The following ZFHX3 variants were observed in gnomAD, a reference collection of about 807,000 sequenced individuals.
ZFHX3 encodes the protein zinc finger homeobox 3.
In ZFHX3, 42 loss-of-function variants were observed where a neutral mutation model predicts 279.1. The ratio of observed to expected loss-of-function variants is 0.15; its 90% confidence interval spans 0.12 to 0.19. The LOEUF (loss-of-function observed/expected upper bound fraction) is 0.19. Ranked by LOEUF, ZFHX3 falls within the 10% of genes least tolerant of loss-of-function variation. The pLI, the probability that ZFHX3 is intolerant of heterozygous loss-of-function variation, is 1.00. For synonymous variants in ZFHX3, 2,293 were observed against 1,957.8 expected, an observed-to-expected ratio of 1.17 and a Z score of -4.52; for missense variants, 4,981 against 4,754.0, an observed-to-expected ratio of 1.05 and a Z score of -1.40.
intron 5 of ZFHX3, among the ~76,000 whole-genome samples, chr16:72,815,782 A>G (rs148030066): frequency 3.9e-5 from 6 of 152,372 alleles, no homozygotes; most frequent in African/African-American, 1.4e-4. Context: ...GACAAGACAT[A>G]GTTTAGACAA....
chr16:73,168,199 T>C (rs1967420017), intron 5 of ZFHX3, among the ~76,000 whole-genome samples: 3 of 141,694 alleles, frequency 2.1e-5, no homozygotes, highest in African/African-American at 7.9e-5. Context: ...TTTAACACTA[T>C]AGTTTCTTTT....
At chr16:73,681,759 G>C (rs1313638074) in intron 1 of ZFHX3, among the ~76,000 whole-genome samples, 2 of 152,136 alleles carry the variant, frequency 1.3e-5, no homozygotes, top group Non-Finnish European at 2.9e-5. Flanking sequence ...ACAGTATTTT[G>C]TAAGCATATG....
intron 1 of ZFHX3, among the ~76,000 whole-genome samples, chr16:73,776,604 A>G (rs1440184297): frequency 6.6e-6 from 1 of 152,210 alleles, no homozygotes; most frequent in Non-Finnish European, 1.5e-5. Context: ...AGGGGAAATC[A>G]TAATATTGCT....
intron 3 of ZFHX3, among the ~76,000 whole-genome samples, chr16:73,365,323 A>C (rs1355095409): frequency 2.0e-5 from 3 of 152,218 alleles, no homozygotes; most frequent in East Asian, 3.9e-4. Flanking sequence ...GCTGGTGCCC[A>C]CACCTCTGAG....
rs534765434 is a variant in ZFHX3, at chr16:73,599,099, T to C, written c.-1547+81081A>G. Reference sequence around the variant, plus strand: ...TTAAAGAGAGGGTTTCTTCATACTATCATAGTTCTTACAGAGGATGAGTTT... The same window carrying C: ...TTAAAGAGAGGGTTTCTTCATACTACCATAGTTCTTACAGAGGATGAGTTT... On this transcript the variant is annotated intron_variant, in intron 2 of 17. Transcript: ENST00000641206. 3.9e-5 allele frequency among the ~76,000 whole-genome samples: 6 copies of C among 152,318 alleles called. No homozygotes were observed. The East Asian group carries it at 1.2e-3, about 29-fold the overall frequency.
At chr16:73,871,306 C>T (rs1322636166) in intron 1 of ZFHX3, among the ~76,000 whole-genome samples, 1 of 152,148 alleles carries the variant, frequency 6.6e-6, no homozygotes, top group Admixed American at 6.5e-5. Flanking sequence ...AAACGACTTG[C>T]GTCAGCCACT....
chr16:73,054,536 G>A (rs1364238619), intron 1 of ZFHX3, among the ~76,000 whole-genome samples: 1 of 144,814 alleles, frequency 6.9e-6, no homozygotes, highest in South Asian at 2.2e-4. Flanking sequence ...TCAAGAGTTT[G>A]AATTCTAGCT....
At chr16:73,515,354 T>C (rs775952969) in intron 2 of ZFHX3, among the ~76,000 whole-genome samples, 10 of 152,048 alleles carry the variant, frequency 6.6e-5, no homozygotes, top group Non-Finnish European at 1.5e-4. Flanking sequence ...TGTAAAGGGA[T>C]CCCTTAGTCA....
At chr16:73,856,137 C>T (rs1189753572) in intron 1 of ZFHX3, among the ~76,000 whole-genome samples, 1 of 152,076 alleles carries the variant, frequency 6.6e-6, no homozygotes, top group Non-Finnish European at 1.5e-5. Flanking sequence ...ATTTTATAAC[C>T]TATACAAAAG....
intron 5 of ZFHX3, among the ~76,000 whole-genome samples, chr16:73,221,478 TA>T (rs761443081): frequency 6.6e-6 from 1 of 152,128 alleles, no homozygotes; most frequent in South Asian, 2.1e-4. Context: ...TGTAACCTCT[TA>T]AAAAATCACA....
At chr16:73,290,128 T>C (rs931521280) in intron 4 of ZFHX3, among the ~76,000 whole-genome samples, 2 of 151,946 alleles carry the variant, frequency 1.3e-5, no homozygotes, top group Non-Finnish European at 2.9e-5. Flanking sequence ...ATTCATTGAG[T>C]GCTCGCCATA....
At chr16:73,240,845 CT>C (rs1331571740) in intron 5 of ZFHX3, among the ~76,000 whole-genome samples, 3 of 152,154 alleles carry the variant, frequency 2.0e-5, no homozygotes, top group Non-Finnish European at 4.4e-5. Flanking sequence ...TAGAGTTTTG[CT>C]TATTTCCAAA....
At chr16:72,880,411 C>G (rs964741692) in intron 4 of ZFHX3, among the ~76,000 whole-genome samples, 10 of 152,028 alleles carry the variant, frequency 6.6e-5, no homozygotes, top group African/African-American at 2.2e-4. Context: ...AGACCCTAAT[C>G]CAATCTATCT....
chr16:73,515,371 T>C (rs2019501558), intron 2 of ZFHX3, among the ~76,000 whole-genome samples: 1 of 151,828 alleles, frequency 6.6e-6, no homozygotes, highest in Admixed American at 6.6e-5. Context: ...GTCACAAAGA[T>C]GGTGCCAATG....
chr16:73,045,913 G>C (rs1401093067), intron 1 of ZFHX3, among the ~76,000 whole-genome samples: 1 of 151,576 alleles, frequency 6.6e-6, no homozygotes, highest in Admixed American at 6.6e-5. Flanking sequence ...AAGTCTAAAA[G>C]TGCTCGCTTC....
chr16:73,564,898 A>T (rs2020428171), intron 2 of ZFHX3, among the ~76,000 whole-genome samples: 1 of 152,220 alleles, frequency 6.6e-6, no homozygotes, highest in Admixed American at 6.5e-5. Flanking sequence ...TTAGGAAAAA[A>T]GCAAACTGGA....
intron 3 of ZFHX3, among the ~76,000 whole-genome samples, chr16:73,347,248 C>T (rs1200148779): frequency 6.6e-6 from 1 of 152,248 alleles, no homozygotes; most frequent in Non-Finnish European, 1.5e-5. Context: ...CAATCACAAC[C>T]ATTCCTTTTA....
chr16:73,404,145 A>G (rs1462619437), intron 3 of ZFHX3, among the ~76,000 whole-genome samples: 3 of 152,144 alleles, frequency 2.0e-5, no homozygotes, highest in Non-Finnish European at 4.4e-5. Flanking sequence ...ATCCAGTTTC[A>G]GGGGCTGGGG....
At chr16:72,969,420 G>A (rs935097275) in intron 1 of ZFHX3, among the ~76,000 whole-genome samples, 1 of 151,950 alleles carries the variant, frequency 6.6e-6, no homozygotes, top group Non-Finnish European at 1.5e-5. Context: ...TCCTGACTGT[G>A]GGCTGATTTC....
Sources: allele counts gnomAD v4.1 joint callset (sites outside exome capture counted in the v4.1 genomes callset), GRCh38; gene constraint gnomAD v4.1.1; transcripts MANE v1.5; gene names NCBI Gene and HGNC (gene_info 2026-07-23, HGNC 2026-07-21).